CA12: variants seen among roughly 807,000 people sequenced by gnomAD.
CA12 encodes carbonate dehydratase XII.
CA12 carries 36 observed loss-of-function variants against 46.8 expected under a neutral mutation model. The ratio of observed to expected loss-of-function variants is 0.77; its 90% confidence interval spans 0.59 to 1.02. The LOEUF (loss-of-function observed/expected upper bound fraction) is 1.02, where lower values mean the gene tolerates loss of function less well. Among genes scored for constraint, CA12 ranks in the 50% least tolerant of loss-of-function variants. The pLI, the probability that CA12 is intolerant of heterozygous loss-of-function variation, is 0.00. For missense variants in CA12, 436 were observed against 451.4 expected (o/e 0.97, Z 0.31); for synonymous variants, 202 against 187.0 (o/e 1.08, Z -0.65).
At chr15:63,334,656 A>G (rs906162488) in intron 8 of CA12, among the ~76,000 whole-genome samples, 1 of 152,162 alleles carries the variant, frequency 6.6e-6, no homozygotes, top group Non-Finnish European at 1.5e-5. Flanking sequence ...GAAACATAAC[A>G]TACAAGAGAG....
In CA12 at chr15:63,333,187, AC is replaced by A. The variant is rs374923145; in HGVS notation, c.875-5058del. On this transcript the variant is annotated intron_variant, in intron 8 of 10. Coordinates refer to ENST00000178638, the MANE Select transcript of CA12 (RefSeq NM_001218.5). ...GTGTGTACTTGAAAGCATCTGCCCT[AC>A]AGTTTTGGGGGCTGAGGCTAAGAGG... is the stretch of plus-strand genomic sequence containing the variant. 2.4e-4 allele frequency among the ~76,000 whole-genome samples: 36 copies of A among 152,324 alleles called. No homozygotes were observed. In the East Asian group the frequency reaches 3.7e-3, roughly 15 times the overall value.
intron 1 of CA12, among the ~76,000 whole-genome samples, chr15:63,379,395 C>T (rs537137656): frequency 5.2e-4 from 79 of 152,184 alleles, no homozygotes; most frequent in Non-Finnish European, 8.7e-4. Flanking sequence ...TGTGTGCACG[C>T]GCACGAAAGT....
At chr15:63,336,383 T>C (rs2039004273) in intron 8 of CA12, among the ~76,000 whole-genome samples, 1 of 152,172 alleles carries the variant, frequency 6.6e-6, no homozygotes, top group Admixed American at 6.5e-5. Context: ...TACTTTTGGA[T>C]GTCAGAGTCA....
At chr15:63,371,166 G>T (rs2039500696) in intron 2 of CA12, among the ~76,000 whole-genome samples, 1 of 152,194 alleles carries the variant, frequency 6.6e-6, no homozygotes, top group South Asian at 2.1e-4. Context: ...CCCCAAGAAA[G>T]TTCATTACAG....
chr15:63,332,750 G>T (rs1240903637), intron 8 of CA12, among the ~76,000 whole-genome samples: 1 of 152,174 alleles, frequency 6.6e-6, no homozygotes, highest in Non-Finnish European at 1.5e-5. Context: ...AAACGAAAAG[G>T]TGACAACTGG....
rs2039277549 is a variant in CA12, at chr15:63,355,042, C to T, written c.107-8333G>A. 1.3e-5 allele frequency among the ~76,000 whole-genome samples: 2 copies of T among 152,156 alleles called. No individual in the cohort carries two copies. The highest frequency in any genetic ancestry group is 2.4e-5 in the African/African-American group (1 of 41,424). On this transcript the variant is annotated intron_variant, in intron 2 of 10. Transcript: ENST00000178638. This position sits in a 1 kb window ranked among gnomAD's most constrained non-coding sequence, Gnocchi z 4.1. ...GCTGCCAAAGGTAAAGGGTGACGAT[C>T]TGTTTGCTTTTGCTTCTCCATTTCT...
rs917832099 is a variant in CA12 at position 63,339,969 on chromosome 15, G to C, written c.747+319C>G. 1.0e-5 allele frequency: 4 copies of C among 394,494 alleles called. No individual in the cohort carries two copies. The highest frequency in any genetic ancestry group is 2.1e-5 in the African/African-American group (1 of 48,266). The allele number at this position is 394,494 out of a possible 1,614,324, so 24.4% of individuals were successfully genotyped here. A position where few individuals can be genotyped will look rare whatever the true frequency, so the allele number is the denominator to read the frequency against. ...TTTCATCTGATCCTGTCTTTATTCTGCCCTGTAAAGGAACCAGGCTCTCTC... is the reference window on the plus strand; with the variant it reads ...TTTCATCTGATCCTGTCTTTATTCTCCCCTGTAAAGGAACCAGGCTCTCTC... On this transcript the variant is annotated intron_variant, in intron 7 of 10. Transcript: ENST00000178638. This position sits in a 1 kb window ranked among gnomAD's most constrained non-coding sequence, Gnocchi z 4.3.
intron 8 of CA12, among the ~76,000 whole-genome samples, chr15:63,338,187 A>C (rs1169002589): frequency 6.6e-6 from 1 of 152,230 alleles, no homozygotes; most frequent in Non-Finnish European, 1.5e-5. Flanking sequence ...CATTAGGAAG[A>C]AACCAAGCTA....
chr15:63,367,990 T>C (rs576136937), intron 2 of CA12, among the ~76,000 whole-genome samples: 2 of 152,368 alleles, frequency 1.3e-5, no homozygotes, highest in Admixed American at 1.3e-4. Flanking sequence ...TTCCCCATCA[T>C]ACTTACGTGC....
At position 63,328,185 on chromosome 15, in the gene CA12, T is replaced by C. The variant is rs17763070; in HGVS notation, c.875-55A>G. The stretch of plus-strand genomic sequence containing the variant: ...ACTCTAGAGTCAAACCACACTGGAT[T>C]TGAGCAGCGTGTTGAGAGACGCTCT... On this transcript the variant is annotated intron_variant, in intron 8 of 10. Transcript: ENST00000178638. This position sits in a 1 kb window ranked among gnomAD's most constrained non-coding sequence, Gnocchi z 5.9. The C allele has an allele frequency of 0.012, 18,938 of 1,515,752 alleles. 182 individuals are homozygous for C. Among genetic ancestry groups the C allele is most frequent in the African/African-American group, 0.043 (3,159 of 73,032 alleles). 93.9% of individuals were successfully genotyped at this position (1,515,752 alleles called of 1,614,324 possible).
At position 63,373,852 on chromosome 15, in the gene CA12, C is replaced by T. The variant is rs531962437; in HGVS notation, c.106+1806G>A. Among the ~76,000 whole-genome samples, 10 of 152,302 alleles carry T rather than the reference C, an allele frequency of 6.6e-5. No individual in the cohort carries two copies. Among genetic ancestry groups the T allele is most frequent in the African/African-American group, 2.4e-4 (10 of 41,550 alleles). ...GGAATAAAGCCCAGAACCCAAGTGC[C>T]ACCTTCTTTCCATGCCTGTCACCTC... On this transcript the variant is annotated intron_variant, in intron 2 of 10. Coordinates refer to ENST00000178638, the MANE Select transcript of CA12 (RefSeq NM_001218.5). This position sits in a 1 kb window ranked among gnomAD's most constrained non-coding sequence, Gnocchi z 4.9.
At chr15:63,356,257 G>T (rs1045571757) in intron 2 of CA12, among the ~76,000 whole-genome samples, 1 of 152,158 alleles carries the variant, frequency 6.6e-6, no homozygotes, top group Non-Finnish European at 1.5e-5. Flanking sequence ...GCTGGGCATG[G>T]TGGCATACGC....
chr15:63,337,802 C>T (rs2039022548), intron 8 of CA12, among the ~76,000 whole-genome samples: 1 of 152,164 alleles, frequency 6.6e-6, no homozygotes, highest in South Asian at 2.1e-4. Flanking sequence ...GACTTGAACT[C>T]CTGACCTCAG....
rs978438820 is a variant in CA12 at position 63,325,638 on chromosome 15, G to T, written c.*647C>A. 4 of 152,828 alleles carry T rather than the reference G, an allele frequency of 2.6e-5. No individual in the cohort carries two copies. The highest frequency in any genetic ancestry group is 9.7e-5 in the African/African-American group (4 of 41,274). The allele number at this position is 152,828 out of a possible 1,614,324, so 9.5% of individuals were successfully genotyped here. A position where few individuals can be genotyped will look rare whatever the true frequency, so the allele number is the denominator to read the frequency against. The stretch of plus-strand genomic sequence containing the variant: ...GGAACTTGAACCTGCCATTCCCTAA[G>T]GTCTGTGCAGTGTCTGTGATCCAGA... On this transcript the variant is annotated 3_prime_UTR_variant, in exon 11 of 11. Transcript: ENST00000178638. The surrounding 1 kb of genome is among the most constrained non-coding windows in gnomAD (Gnocchi z 4.9).
intron 8 of CA12, among the ~76,000 whole-genome samples, chr15:63,333,508 A>C (rs2038961855): frequency 6.6e-6 from 1 of 152,268 alleles, no homozygotes; most frequent in Non-Finnish European, 1.5e-5. Flanking sequence ...GACCCAGACC[A>C]GCGACTGAAG....
At chr15:63,335,810 G>A (rs183593921) in intron 8 of CA12, among the ~76,000 whole-genome samples, 105 of 152,210 alleles carry the variant, frequency 6.9e-4, no homozygotes, top group Admixed American at 1.9e-3. Context: ...GTCTCACACC[G>A]TAAACCTGAA....
chr15:63,363,194 C>T (rs1448744564), intron 2 of CA12, among the ~76,000 whole-genome samples: 4 of 152,192 alleles, frequency 2.6e-5, no homozygotes, highest in African/African-American at 7.2e-5. Context: ...CTCTCTTTCA[C>T]TTCACCAAAA....
intron 2 of CA12, among the ~76,000 whole-genome samples, chr15:63,358,400 C>T (rs910242744): frequency 2.6e-5 from 4 of 152,204 alleles, no homozygotes; most frequent in Non-Finnish European, 5.9e-5. Flanking sequence ...CAATGTTCCC[C>T]GGCACTCACG....
rs532669664 is a variant in CA12, at chr15:63,331,389, C to T, written c.875-3259G>A. Among the ~76,000 whole-genome samples the T allele has an allele frequency of 6.6e-6, 1 of 152,274 alleles. No individual in the cohort carries two copies. The highest frequency in any genetic ancestry group is 1.5e-5 in the Non-Finnish European group (1 of 68,028). On this transcript the variant is annotated intron_variant, in intron 8 of 10. Coordinates refer to ENST00000178638, the MANE Select transcript of CA12 (RefSeq NM_001218.5). The surrounding 1 kb of genome is among the most constrained non-coding windows in gnomAD (Gnocchi z 5.3). The stretch of plus-strand genomic sequence containing the variant: ...GGAGGGGCAGAACTAGAGAAATTCA[C>T]TTTCAGGTTAAAGAAATGGTTTGTT...
Sources: gnomAD v4.1 joint callset for allele counts (sites outside exome capture counted in the v4.1 genomes callset) on GRCh38, gnomAD v4.1.1 for gene constraint, Gnocchi (gnomAD v3.1) non-coding constraint, MANE v1.5 for transcripts, NCBI Gene and HGNC (gene_info 2026-07-23, HGNC 2026-07-21) for gene names.